Variants in MYO16 observed in about 807,000 individuals in gnomAD.
MYO16 encodes the protein myosin XVI.
A neutral mutation model predicts 205.3 loss-of-function variants in MYO16; 94 were observed. That is an observed-to-expected ratio of 0.46 (90% CI 0.39 to 0.54). The LOEUF (loss-of-function observed/expected upper bound fraction) is 0.54, where lower values mean the gene tolerates loss of function less well. MYO16 is among the 20% of genes least tolerant of loss of function. The pLI, the probability that MYO16 is intolerant of heterozygous loss-of-function variation, is 0.00. For missense variants in MYO16, 2,315 were observed against 2,387.5 expected (o/e 0.97, Z 0.63); for synonymous variants, 988 against 954.0 (o/e 1.04, Z -0.66).
intron 1 of MYO16, among the ~76,000 whole-genome samples, chr13:108,649,856 C>A (rs1280636989): frequency 6.6e-6 from 1 of 152,030 alleles, no homozygotes; most frequent in African/African-American, 2.4e-5. Flanking sequence ...TTAAATTGAC[C>A]TTGCAGAATT....
intron 31 of MYO16, among the ~76,000 whole-genome samples, chr13:109,130,230 T>C (rs2139782199): frequency 6.6e-6 from 1 of 152,338 alleles, no homozygotes; most frequent in East Asian, 1.9e-4. Context: ...TGGATCCTAA[T>C]TTTGTCTCAT....
At chr13:109,069,374 A>G (rs1303333300) in intron 27 of MYO16, among the ~76,000 whole-genome samples, 1 of 152,210 alleles carries the variant, frequency 6.6e-6, no homozygotes, top group Non-Finnish European at 1.5e-5. Context: ...TCTTAGCTAA[A>G]GAGGTTCCAG....
chr13:108,641,731 G>A (rs574612853), intron 1 of MYO16, among the ~76,000 whole-genome samples: 1 of 152,160 alleles, frequency 6.6e-6, no homozygotes, highest in East Asian at 1.9e-4. Context: ...ATTTATGCAG[G>A]GCAACATTTT....
rs76382365 is a variant in MYO16 at position 108,711,239 on chromosome 13, C to T, written c.293-1422C>T. ...AGATAACCCAGTTGGCAAATGAATA[C>T]GACACGAGCTGTCAGGTTACAGCTG... On this transcript the variant is annotated intron_variant, in intron 2 of 34. Transcript: ENST00000457511. Among the ~76,000 whole-genome samples, 172 of 152,292 alleles carry T rather than the reference C, an allele frequency of 1.1e-3. 6 individuals carry two copies. In the East Asian group the frequency reaches 0.031, roughly 28 times the overall value.
At chr13:109,200,923 T>C (rs975435645) in intron 34 of MYO16, among the ~76,000 whole-genome samples, 2 of 152,144 alleles carry the variant, frequency 1.3e-5, no homozygotes, top group Admixed American at 6.6e-5. Flanking sequence ...ATGTATTTTG[T>C]GCTTGGTGTA....
At chr13:108,686,978 G>C (rs540295120) in intron 2 of MYO16, among the ~76,000 whole-genome samples, 1 of 152,284 alleles carries the variant, frequency 6.6e-6, no homozygotes, top group East Asian at 1.9e-4. Context: ...TACCCCATCA[G>C]TCCCCTACGA....
Position 108,910,126 on chromosome 13 carries a change from A to G in MYO16, c.1901A>G (p.His634Arg), listed in dbSNP as rs765199422. ...TCTGCTGAAGAAAAATATGGACTTC[A>G]TCTTAATAATTTATGTGCACACCGG... ...GLSAEEKYGL[H>R]LNNLCAHRYL... is the part of the protein sequence containing the mutation. Residue 634 changes from histidine (H) to arginine (R), a missense_variant, in exon 16 of 35, where the codon CAT (histidine) becomes CGT (arginine). Coordinates refer to ENST00000457511, the MANE Select transcript of MYO16 (RefSeq NM_001198950.3). 1.9e-6 allele frequency: 3 copies of G among 1,613,210 alleles called. No individual in the cohort carries two copies. The highest frequency in any genetic ancestry group is 1.7e-6 in the Non-Finnish European group (2 of 1,179,502).
At chr13:108,708,202 G>A (rs1883588238) in intron 2 of MYO16, among the ~76,000 whole-genome samples, 1 of 152,192 alleles carries the variant, frequency 6.6e-6, no homozygotes, top group Admixed American at 6.5e-5. Context: ...GCATTGCTGT[G>A]CAAATAGACA....
chr13:109,126,686 A>G (rs1594107298), intron 30 of MYO16, among the ~76,000 whole-genome samples: 7 of 152,350 alleles, frequency 4.6e-5, no homozygotes, highest in Middle Eastern at 3.4e-3. Flanking sequence ...CTGGACAACC[A>G]TATGGAGTCA....
intron 21 of MYO16, among the ~76,000 whole-genome samples, chr13:108,999,302 T>C (rs1387515501): frequency 6.6e-6 from 1 of 152,246 alleles, no homozygotes; most frequent in East Asian, 1.9e-4. Context: ...TCTACCTCTA[T>C]CTTAAAGCAT....
intron 4 of MYO16, among the ~76,000 whole-genome samples, chr13:108,740,709 T>C (rs1303370708): frequency 2.0e-5 from 3 of 152,178 alleles, no homozygotes; most frequent in Non-Finnish European, 4.4e-5. Context: ...CTGCCTTTTG[T>C]TCAGCTATGT....
At chr13:109,169,986 A>C (rs1878860247) in intron 33 of MYO16, among the ~76,000 whole-genome samples, 1 of 152,228 alleles carries the variant, frequency 6.6e-6, no homozygotes, top group Non-Finnish European at 1.5e-5. Context: ...ACACACAACA[A>C]TTCCTGATAG....
chr13:109,046,082 C>CCT (rs1887036181), intron 23 of MYO16, among the ~76,000 whole-genome samples: 1 of 152,210 alleles, frequency 6.6e-6, no homozygotes, highest in African/African-American at 2.4e-5. Context: ...TGATGCTCAC[C>CCT]CCCTTTCTTG....
intron 28 of MYO16, among the ~76,000 whole-genome samples, chr13:109,107,103 T>C (rs572159128): frequency 8.5e-5 from 13 of 152,068 alleles, no homozygotes; most frequent in African/African-American, 2.9e-4. Flanking sequence ...ATACTTACTC[T>C]AGTGTGTGTG....
rs921775944 is a variant in MYO16 at position 108,612,007 on chromosome 13, G to A, written c.-39+15768G>A. On this transcript the variant is annotated intron_variant, in intron 1 of 24. Coordinates refer to the MYO16 transcript ENST00000251041. The stretch of plus-strand genomic sequence containing the variant: ...TTTTTTTTTTTTGAGACGGAGTCTC[G>A]CTCTGTCGCCCAGGCTGGAAGGCAG... 4.1e-5 allele frequency among the ~76,000 whole-genome samples: 5 copies of A among 121,606 alleles called. 1 individual carries two copies. The South Asian group carries it at 7.5e-4, about 18-fold the overall frequency. The allele number at this position is 121,606 out of a possible 152,430, so 79.8% of individuals were successfully genotyped here.
intron 2 of MYO16, among the ~76,000 whole-genome samples, chr13:108,683,375 GAC>G (rs1396172454): frequency 6.6e-6 from 1 of 151,940 alleles, no homozygotes; most frequent in Non-Finnish European, 1.5e-5. Flanking sequence ...AGCCTTTGAC[GAC>G]AGACAGTAAG....
chr13:109,075,502 G>A (rs552348842), intron 27 of MYO16, among the ~76,000 whole-genome samples: 2 of 151,870 alleles, frequency 1.3e-5, no homozygotes, highest in South Asian at 2.1e-4. Context: ...CGATTCTCCC[G>A]CCTCAGCCTC....
chr13:109,039,332 C>T (rs1244000020), intron 23 of MYO16, among the ~76,000 whole-genome samples: 1 of 152,174 alleles, frequency 6.6e-6, no homozygotes, highest in Non-Finnish European at 1.5e-5. Context: ...AACTGAACAA[C>T]ACCATCACCA....
chr13:108,521,204 G>C, the MYO16 span, among the ~76,000 whole-genome samples: 7 of 152,194 alleles, frequency 4.6e-5, no homozygotes, highest in African/African-American at 1.7e-4. Flanking sequence ...ATCTCAGGAG[G>C]GGGAGACAAC....
Sources: gnomAD v4.1 joint callset for allele counts (sites outside exome capture counted in the v4.1 genomes callset) on GRCh38, gnomAD v4.1.1 for gene constraint, MANE v1.5 for transcripts, NCBI Gene and HGNC (gene_info 2026-07-23, HGNC 2026-07-21) for gene names.